DPH6: variants seen among roughly 807,000 people sequenced by gnomAD.
The protein encoded by DPH6 is diphthamine biosynthesis 6.
A neutral mutation model predicts 38.2 loss-of-function variants in DPH6; 33 were observed. The observed-to-expected ratio is 0.86, with a 90% CI of 0.65 to 1.15. The LOEUF is 1.15. Among genes scored for constraint, DPH6 ranks in the 50% most tolerant of loss-of-function variants. The pLI, the probability that DPH6 is intolerant of heterozygous loss-of-function variation, is 0.00. For synonymous variants in DPH6, 108 were observed against 103.0 expected, an observed-to-expected ratio of 1.05 and a Z score of -0.30; for missense variants, 325 against 320.0, an observed-to-expected ratio of 1.02 and a Z score of -0.12.
chr15:35,313,120 C>T (rs978046517), intron 3 of DPH6, among the ~76,000 whole-genome samples: 2 of 151,990 alleles, frequency 1.3e-5, no homozygotes, highest in African/African-American at 4.8e-5. Context: ...GTAATCCCAG[C>T]TACTTGGAAG....
At chr15:35,286,176 A>G (rs1595461532) in intron 3 of DPH6, among the ~76,000 whole-genome samples, 2 of 152,098 alleles carry the variant, frequency 1.3e-5, no homozygotes, top group East Asian at 3.8e-4. Flanking sequence ...AAAAACACAA[A>G]CTACTAACCC....
In DPH6 at chr15:35,298,304, A is replaced by T. The variant is rs534547517; in HGVS notation, n.200+75217T>A. ...ATTTTTCCAAATTGTAGAAACATGC[A>T]TTTGCCACCTGTCCACCAAAATACC... On this transcript the variant is annotated intron_variant and non_coding_transcript_variant, in intron 3 of 3. Transcript: ENST00000560386. The T allele has an allele frequency of 1.3e-4, 75 of 595,184 alleles. 3 individuals carry two copies. The East Asian group carries it at 3.1e-3, about 25-fold the overall frequency. 36.9% of individuals were successfully genotyped at this position (595,184 alleles called of 1,614,324 possible). A position where few individuals can be genotyped will look rare whatever the true frequency, so the allele number is the denominator to read the frequency against.
chr15:35,386,347 T>C (rs62002866), intron 6 of DPH6, among the ~76,000 whole-genome samples: 55,687 of 152,086 alleles, frequency 0.37, 12,195 homozygotes, highest in African/African-American at 0.62. Context: ...ATTTATAATC[T>C]TTTGGGTATA....
At chr15:35,180,097 C>G in the DPH6 span, among the ~76,000 whole-genome samples, 8 of 152,002 alleles carry the variant, frequency 5.3e-5, no homozygotes, top group Non-Finnish European at 1.2e-4. Context: ...ATTAAACATT[C>G]ATTAGCTTAA....
At chr15:35,301,978 T>G (rs1272579827) in intron 3 of DPH6, among the ~76,000 whole-genome samples, 1 of 151,708 alleles carries the variant, frequency 6.6e-6, no homozygotes. Flanking sequence ...CATCTCAAAA[T>G]AATAATAATA....
intron 3 of DPH6, among the ~76,000 whole-genome samples, chr15:35,273,440 T>C (rs903722110): frequency 1.4e-4 from 21 of 152,188 alleles, no homozygotes; most frequent in African/African-American, 5.1e-4. Context: ...TTACTTCACT[T>C]AGAATAAAGT....
intron 6 of DPH6, among the ~76,000 whole-genome samples, chr15:35,392,458 A>C (rs2053073043): frequency 6.6e-6 from 1 of 151,766 alleles, no homozygotes; most frequent in Admixed American, 6.6e-5. Flanking sequence ...ACCTCCACCT[A>C]GAGGAAACAA....
intron 5 of DPH6, among the ~76,000 whole-genome samples, chr15:35,411,538 C>T (rs1187852873): frequency 6.6e-6 from 1 of 151,538 alleles, no homozygotes; most frequent in Non-Finnish European, 1.5e-5. Context: ...AAAGATTCAA[C>T]TGACATAACA....
chr15:35,217,471 C>G (rs565700578), exon 4 of DPH6: 3 of 152,414 alleles, frequency 2.0e-5, no homozygotes, highest in Admixed American at 6.5e-5. Context: ...CCTGCCTCAG[C>G]CTCCCAAGTA....
At chr15:35,454,862 A>C (rs150419658) in intron 3 of DPH6, 42 bp from the exon 4 acceptor site, 2 of 1,445,282 alleles carry the variant, frequency 1.4e-6, no homozygotes, top group Non-Finnish European at 1.9e-6. Context: ...AAATAAAGTA[A>C]CAAATGGCTC....
At chr15:35,291,073 CT>C (rs1489895090) in intron 3 of DPH6, among the ~76,000 whole-genome samples, 1 of 152,058 alleles carries the variant, frequency 6.6e-6, no homozygotes, top group Non-Finnish European at 1.5e-5. Context: ...AAATCACCCA[CT>C]GCCATTTTTT....
chr15:35,345,309 G>A lies in DPH6; in HGVS notation n.208-14232C>T, dbSNP rs146817542. Among the ~76,000 whole-genome samples the A allele has an allele frequency of 7.0e-4, 106 of 151,820 alleles. 2 individuals carry two copies. In the East Asian group the frequency reaches 0.017, roughly 25 times the overall value. On this transcript the variant is annotated intron_variant and non_coding_transcript_variant, in intron 3 of 3. Coordinates refer to the DPH6 transcript ENST00000558973. The stretch of plus-strand genomic sequence containing the variant: ...TTGCACTATTTATAGAGTCATAACC[G>A]CAAATAATGATAGTTTTATTTCTTC...
intron 3 of DPH6, among the ~76,000 whole-genome samples, chr15:35,507,293 A>C (rs1413698755): frequency 6.6e-6 from 1 of 152,088 alleles, no homozygotes; most frequent in African/African-American, 2.4e-5. Flanking sequence ...AGTATTTTTT[A>C]AGCAAAATAC....
intron 3 of DPH6, among the ~76,000 whole-genome samples, chr15:35,363,873 C>CT (rs955261057): frequency 1.3e-4 from 20 of 151,872 alleles, no homozygotes; most frequent in Non-Finnish European, 2.1e-4. Context: ...CAACATTTGC[C>CT]TTTTTTTATA....
At chr15:35,299,225 A>T in intron 3 of DPH6, 1 of 1,224,354 alleles carries the variant, frequency 8.2e-7, no homozygotes, top group Non-Finnish European at 1.2e-6. Flanking sequence ...CAGCTGGCAC[A>T]TGCGGTGGTG....
intron 5 of DPH6, among the ~76,000 whole-genome samples, chr15:35,423,770 C>T (rs1201622269): frequency 6.6e-6 from 1 of 151,588 alleles, no homozygotes; most frequent in Non-Finnish European, 1.5e-5. Flanking sequence ...AGATAAGGGT[C>T]CACTTCTTCC....
chr15:35,379,366 T>C (rs918073158), intron 7 of DPH6, among the ~76,000 whole-genome samples: 1 of 152,228 alleles, frequency 6.6e-6, no homozygotes, highest in African/African-American at 2.4e-5. Context: ...AAATGATTAG[T>C]TGCGTGCTAA....
At chr15:35,211,324 A>G in the DPH6 span, among the ~76,000 whole-genome samples, 4 of 152,188 alleles carry the variant, frequency 2.6e-5, no homozygotes, top group African/African-American at 9.6e-5. Context: ...AGCTCAGTGA[A>G]AAGAAATCTC....
At chr15:35,183,155 C>G in the DPH6 span, among the ~76,000 whole-genome samples, 6 of 152,166 alleles carry the variant, frequency 3.9e-5, no homozygotes, top group East Asian at 1.2e-3. Flanking sequence ...CAAATCATAT[C>G]CTCTTTCATG....
Sources: allele counts gnomAD v4.1 joint callset (sites outside exome capture counted in the v4.1 genomes callset), GRCh38; gene constraint gnomAD v4.1.1; transcripts MANE v1.5; gene names NCBI Gene and HGNC (gene_info 2026-07-23, HGNC 2026-07-21).